The following SHANK2 variants were observed in gnomAD, a reference collection of about 807,000 sequenced individuals.
SHANK2 encodes the protein SH3 and multiple ankyrin repeat domains 2, also known as SH3 and multiple ankyrin repeat domains protein 2.
In SHANK2, 43 loss-of-function variants were observed where a neutral mutation model predicts 133.7. The ratio of observed to expected loss-of-function variants is 0.32; its 90% confidence interval spans 0.25 to 0.41. The LOEUF (loss-of-function observed/expected upper bound fraction) is 0.41, where lower values mean the gene tolerates loss of function less well. SHANK2 is among the 10% of genes least tolerant of loss of function. The probability of loss-of-function intolerance (pLI) is 1.00; values close to 1 mark genes in which losing one functional copy is unlikely to be tolerated. For synonymous variants in SHANK2, 1,017 were observed against 952.8 expected (o/e 1.07, Z -1.24); for missense variants, 1,994 against 2,235.8 (o/e 0.89, Z 2.18).
At chr11:70,911,006 T>C in intron 10 of SHANK2, 1 of 457,130 alleles carries the variant, frequency 2.2e-6, no homozygotes, top group South Asian at 1.5e-5. Context: ...CACCTCAGCA[T>C]TTGCAGAAAC....
intron 3 of SHANK2, among the ~76,000 whole-genome samples, chr11:71,126,216 C>CAAAAAAAAAAAAA (rs1170621448): frequency 6.2e-5 from 4 of 64,436 alleles, no homozygotes; most frequent in African/African-American, 1.2e-4. Flanking sequence ...GACTCCGTCT[C>CAAAAAAAAAAAAA]AAAAAAAAAA....
intron 15 of SHANK2, among the ~76,000 whole-genome samples, chr11:70,679,943 T>C (rs1376391570): frequency 2.3e-4 from 35 of 152,266 alleles, no homozygotes; most frequent in African/African-American, 8.2e-4. Flanking sequence ...CCCAGACCCC[T>C]GTGATCACTG....
chr11:70,690,488 GTTTTTTTTTTT>G (rs35737323), intron 15 of SHANK2, among the ~76,000 whole-genome samples: 11 of 32,818 alleles, frequency 3.4e-4, no homozygotes, highest in Admixed American at 3.0e-3. Flanking sequence ...TACTTCCCAT[GTTTTTTTTTTT>G]TTTTTTTTTT....
In SHANK2 at chr11:71,092,579, T is replaced by A; in HGVS notation, c.755A>T (p.Glu252Val). ...TTTATAATCTGGGGATGCACCAAGC[T>A]CTAAAAGGGTCTAGGAAAAAAAAAT... ...RNQVALKTLLELGASPDYKDS... is the reference protein window; with the variant it reads ...RNQVALKTLLVLGASPDYKDS... Residue 252 changes from glutamate (E) to valine (V), a missense_variant, in exon 8 of 26, where the codon GAG (glutamate) becomes GTG (valine). By Grantham distance (121) the Glu-to-Val change is moderately radical. Transcript: ENST00000601538. 6.4e-7 allele frequency: 1 copy of A among 1,551,600 alleles called. No homozygotes were observed. The highest frequency in any genetic ancestry group is 1.4e-5 in the African/African-American group (1 of 73,080).
intron 3 of SHANK2, among the ~76,000 whole-genome samples, chr11:71,120,465 G>A (rs1952061099): frequency 6.6e-6 from 1 of 152,152 alleles, no homozygotes; most frequent in Non-Finnish European, 1.5e-5. Flanking sequence ...ACAGCCCGAG[G>A]GTAAGTTCCT....
chr11:70,729,220 G>GA (rs1394610439), intron 14 of SHANK2, among the ~76,000 whole-genome samples: 4 of 150,256 alleles, frequency 2.7e-5, no homozygotes, highest in South Asian at 2.1e-4. Context: ...AAAAAAAAAA[G>GA]AAGAAAGAAA....
At chr11:70,489,648 A>G (rs1555155228) in intron 23 of SHANK2, 2 of 487,898 alleles carry the variant, frequency 4.1e-6, no homozygotes, top group African/African-American at 3.9e-5. Context: ...AGCTTCTACC[A>G]GAATTGACAC....
intron 11 of SHANK2, among the ~76,000 whole-genome samples, chr11:70,868,549 T>C (rs1047399808): frequency 6.6e-6 from 1 of 152,178 alleles, no homozygotes; most frequent in Non-Finnish European, 1.5e-5. Flanking sequence ...TCACACAGCC[T>C]GTGAAGGGCA....
In SHANK2 at chr11:70,490,384, C is replaced by G; in HGVS notation, c.2443G>C (p.Val815Leu). ...ACGGCGATTCCTTGGCGTTCGTACA[C>G]AGACTGCAAACCAGAGAGCCTAGGG... is the stretch of plus-strand genomic sequence containing the variant. Reference protein sequence around the residue: ...CFPAGSDMNSVYERQGIAVMT... With the variant: ...CFPAGSDMNSLYERQGIAVMT... Residue 815 changes from valine to leucine, a missense_variant, in exon 23 of 26, where the codon GTG becomes CTG. Transcript: ENST00000601538. 6.2e-7 allele frequency: 1 copy of G among 1,614,058 alleles called. No homozygotes were observed. Among genetic ancestry groups the G allele is most frequent in the Non-Finnish European group, 8.5e-7 (1 of 1,179,862 alleles).
intron 14 of SHANK2, among the ~76,000 whole-genome samples, chr11:70,750,937 A>T (rs1244969144): frequency 1.3e-5 from 2 of 152,232 alleles, no homozygotes; most frequent in East Asian, 3.8e-4. Flanking sequence ...AACAAGACCC[A>T]GAGTATCTTA....
intron 25 of SHANK2, among the ~76,000 whole-genome samples, chr11:70,480,486 A>G (rs2058719128): frequency 6.6e-6 from 1 of 152,140 alleles, no homozygotes; most frequent in African/African-American, 2.4e-5. Context: ...TCACTAACCT[A>G]TTAGCATGTT....
intron 10 of SHANK2, among the ~76,000 whole-genome samples, chr11:70,923,739 G>T (rs1950385739): frequency 6.6e-6 from 1 of 152,074 alleles, no homozygotes; most frequent in Non-Finnish European, 1.5e-5. Flanking sequence ...TTTTTGTAGA[G>T]TCAAGGTCTC....
At chr11:70,906,736 G>A (rs923492724) in intron 10 of SHANK2, among the ~76,000 whole-genome samples, 1 of 152,150 alleles carries the variant, frequency 6.6e-6, no homozygotes, top group Non-Finnish European at 1.5e-5. Flanking sequence ...AAGACCCCAG[G>A]GCCTGGTAAG....
At chr11:70,707,597 C>A (rs143263446) in intron 14 of SHANK2, among the ~76,000 whole-genome samples, 1 of 152,182 alleles carries the variant, frequency 6.6e-6, no homozygotes, top group African/African-American at 2.4e-5. Flanking sequence ...CTACACAACC[C>A]CAAGCAGCAA....
intron 9 of SHANK2, among the ~76,000 whole-genome samples, chr11:71,061,820 G>T (rs1002498937): frequency 6.6e-6 from 1 of 152,082 alleles, no homozygotes; most frequent in African/African-American, 2.4e-5. Context: ...GCACTGGGCA[G>T]GTCCCTGGCT....
chr11:70,512,370 C>G lies in SHANK2; in HGVS notation c.2062-9439G>C, dbSNP rs184989517. Among the ~76,000 whole-genome samples the G allele has an allele frequency of 1.9e-3, 287 of 152,320 alleles. 4 individuals carry two copies. Among genetic ancestry groups the G allele is most frequent in the Admixed American group, 0.016 (244 of 15,298 alleles). Reference sequence around the variant, plus strand: ...CCCACTGTTTTCCCAGTACCACCATCCTCTAGATGTATTGATATCAAAATT... The same window carrying G: ...CCCACTGTTTTCCCAGTACCACCATGCTCTAGATGTATTGATATCAAAATT... On this transcript the variant is annotated intron_variant, in intron 17 of 25. Coordinates refer to ENST00000601538, the MANE Select transcript of SHANK2 (RefSeq NM_012309.5).
intron 5 of SHANK2, among the ~76,000 whole-genome samples, chr11:71,111,994 T>C (rs1555099361): frequency 6.6e-6 from 1 of 152,084 alleles, no homozygotes; most frequent in East Asian, 1.9e-4. Flanking sequence ...ATGGTGGGGA[T>C]GCACCACATG....
chr11:71,121,569 A>C (rs1260082184), intron 3 of SHANK2, among the ~76,000 whole-genome samples: 19 of 152,306 alleles, frequency 1.2e-4, no homozygotes, highest in African/African-American at 4.6e-4. Context: ...CTTGAGTTTA[A>C]TTAGATCCCA....
chr11:71,110,083 T>C (rs1555098843), intron 5 of SHANK2, 34 bp from the exon 6 acceptor site: 2 of 1,441,896 alleles, frequency 1.4e-6, no homozygotes, highest in Non-Finnish European at 1.9e-6. Flanking sequence ...GAAACATCTT[T>C]ATAAGAAATG....
Sources: gnomAD v4.1 joint callset for allele counts (sites outside exome capture counted in the v4.1 genomes callset) on GRCh38, gnomAD v4.1.1 for gene constraint, MANE v1.5 for transcripts, NCBI Gene and HGNC (gene_info 2026-07-23, HGNC 2026-07-21) for gene names.